RYR1: variants seen among roughly 807,000 people sequenced by gnomAD.
RYR1 encodes the protein ryanodine receptor 1, also known as central core disease of muscle.
In RYR1, 342 loss-of-function variants were observed where a neutral mutation model predicts 583.5. That is an observed-to-expected ratio of 0.59 (90% confidence interval 0.54 to 0.64). RYR1 has a LOEUF of 0.64. Among genes scored for constraint, RYR1 ranks in the 30% least tolerant of loss-of-function variants. RYR1 has a pLI of 0.00. For synonymous variants in RYR1, 2,791 were observed against 2,822.5 expected (o/e 0.99, Z 0.35); for missense variants, 6,032 against 6,917.2 (o/e 0.87, Z 4.54).
At chr19:38,458,923 G>A (rs1679623621) in intron 18 of RYR1, among the ~76,000 whole-genome samples, 4 of 152,292 alleles carry the variant, frequency 2.6e-5, no homozygotes, top group South Asian at 2.1e-4. Flanking sequence ...CCGGCCCCCA[G>A]GAGGATTTAA....
chr19:38,565,522 G>A lies in RYR1; in HGVS notation c.13188G>A (p.Pro4396=), dbSNP rs371061924. The A allele has an allele frequency of 1.2e-5, 18 of 1,503,080 alleles. 1 individual carries two copies. Among genetic ancestry groups the A allele is most frequent in the East Asian group, 8.2e-5 (3 of 36,760 alleles). 93.1% of individuals were successfully genotyped at this position (1,503,080 alleles called of 1,614,324 possible). Residue 4396 remains proline, a synonymous_variant, in exon 91 of 106, where the codon CCG becomes CCA. Transcript: ENST00000359596. This position sits in a 1 kb window ranked among gnomAD's most constrained non-coding sequence, Gnocchi z 4.7. ...PTSDEVHGEQ[P]AGPGGDADGE... ...GCGACGAGGTGCACGGCGAGCAGCC[G>A]GCCGGGCCGGGCGGAGACGCAGACG...
intron 101 of RYR1, among the ~76,000 whole-genome samples, chr19:38,581,191 C>T (rs1185227124): frequency 6.6e-6 from 1 of 152,116 alleles, no homozygotes; most frequent in African/African-American, 2.4e-5. Flanking sequence ...CATTCTCCTG[C>T]CTCTGCCTCC....
intron 89 of RYR1, among the ~76,000 whole-genome samples, chr19:38,552,339 C>T (rs939614067): frequency 6.6e-6 from 1 of 151,924 alleles, no homozygotes; most frequent in Non-Finnish European, 1.5e-5. Context: ...ACTGCAAACT[C>T]CGCTTCCTGG....
chr19:38,528,456 C>T, intron 74 of RYR1, 38 bp downstream of exon 74: 1 of 1,605,322 alleles, frequency 6.2e-7, no homozygotes, highest in East Asian at 2.2e-5. Flanking sequence ...TGAAGGGCTG[C>T]GGAGAAAGGG....
chr19:38,579,612 C>CAGAGGA (rs1390063040), intron 99 of RYR1, among the ~76,000 whole-genome samples: 1 of 147,632 alleles, frequency 6.8e-6, no homozygotes, highest in African/African-American at 2.5e-5. Flanking sequence ...AAAAAAAAGA[C>CAGAGGA]AGAGGAAGAG....
At chr19:38,467,286 C>T (rs1380911791) in intron 24 of RYR1, among the ~76,000 whole-genome samples, 1 of 152,158 alleles carries the variant, frequency 6.6e-6, no homozygotes, top group Admixed American at 6.5e-5. Context: ...TCATTCTAAT[C>T]AACCCTGATC....
At position 38,567,846 on chromosome 19, in the gene RYR1, C is replaced by A. The variant is rs766906669; in HGVS notation, c.13588C>A (p.Pro4530Thr). 1.2e-6 allele frequency: 2 copies of A among 1,614,126 alleles called. No homozygotes were observed. The highest frequency in any genetic ancestry group is 1.7e-6 in the Non-Finnish European group (2 of 1,180,008). ...CCCCAAGAAGCAAGCACCTCCCTCA[C>A]CCCCTCCAAAGAAGGAGGAAGCTGG... ...EPPKKQAPPS[P>T]PPKKEEAGGE... Residue 4530 changes from proline (P) to threonine (T), a missense_variant, in exon 93 of 106, where the codon CCC becomes ACC. Pro to Thr is a conservative substitution (Grantham distance 38). Around this residue, in one of 11 missense-constraint regions of RYR1, gnomAD observed 753 missense variants for 759.6 expected, o/e 0.99. Transcript: ENST00000359596.
intron 76 of RYR1, among the ~76,000 whole-genome samples, chr19:38,530,207 G>A (rs1473818381): frequency 2.0e-5 from 3 of 152,032 alleles, no homozygotes. Context: ...TCCCGCCTTG[G>A]CCTCTCAAAG....
In RYR1 at chr19:38,483,329, C is replaced by T. The variant is rs754476250; in HGVS notation, c.4747C>T (p.Arg1583Cys). 1.2e-4 allele frequency: 190 copies of T among 1,559,834 alleles called. 1 individual carries two copies. Among genetic ancestry groups the T allele is most frequent in the Non-Finnish European group, 7.4e-5 (85 of 1,152,016 alleles). Residue 1583 changes from arginine (R) to cysteine (C), a missense_variant, in exon 33 of 106, where the codon CGC (arginine) becomes TGC (cysteine). Arg to Cys is a radical substitution (Grantham distance 180, BLOSUM62 -3). Transcript: ENST00000359596. This position sits in a 1 kb window ranked among gnomAD's most constrained non-coding sequence, Gnocchi z 6.3. The part of the protein sequence containing the change: ...PLSAAMFQSE[R>C]KNPAPQCPPR... ...GTCAGCCGCCATGTTCCAAAGCGAG[C>T]GCAAGAACCCGGCCCCGCAGTGCCC...
intron 5 of RYR1, 56 bp downstream of exon 5, chr19:38,443,852 G>C: frequency 6.6e-7 from 1 of 1,526,460 alleles, no homozygotes; most frequent in Non-Finnish European, 9.1e-7. Flanking sequence ...GGGATTCAGG[G>C]GGTAGAAGGT....
chr19:38,506,733 A>T, intron 56 of RYR1, 96 bp from the exon 57 acceptor site: 1 of 1,580,046 alleles, frequency 6.3e-7, no homozygotes. Flanking sequence ...CTTCTTTATC[A>T]CCATAATTAC....
chr19:38,506,211 G>A, intron 54 of RYR1, 92 bp from the exon 55 acceptor site: 1 of 1,342,758 alleles, frequency 7.4e-7, no homozygotes, highest in Admixed American at 1.7e-5. Context: ...GGGTGGAGGG[G>A]GTAGAATGGA....
In RYR1 at chr19:38,478,374, G is replaced by T. The variant is rs1044185638; in HGVS notation, c.4455-61G>T. On this transcript the variant is annotated intron_variant, in intron 30 of 105. Coordinates refer to ENST00000359596, the MANE Select transcript of RYR1 (RefSeq NM_000540.3). Reference sequence around the variant, plus strand: ...GTGTTTCCGGGAGCTTGGGGAAGGGGGTGTCCAGGGTCCAGAGCTACTCAC... The same window carrying T: ...GTGTTTCCGGGAGCTTGGGGAAGGGTGTGTCCAGGGTCCAGAGCTACTCAC... The T allele has an allele frequency of 4.4e-6, 7 of 1,581,618 alleles. No homozygotes were observed. In the South Asian group the frequency reaches 7.7e-5, roughly 18 times the overall value.
intron 65 of RYR1, 117 bp downstream of exon 65, chr19:38,516,334 TC>T (rs1323883608): frequency 3.5e-5 from 46 of 1,299,692 alleles, no homozygotes; most frequent in South Asian, 1.3e-4. Context: ...GGCTGAGGAT[TC>T]CCCAGGTTGG....
rs922483200 is a variant in RYR1 at position 38,584,954 on chromosome 19, T to C, written c.14658T>C (p.Phe4886=). ...CTCCCCTCCCTCAGTGTTACCTGTTTCACATGTACGTGGGTGTCCGGGCTG... is the reference window on the plus strand; with the variant it reads ...CTCCCCTCCCTCAGTGTTACCTGTTCCACATGTACGTGGGTGTCCGGGCTG... ...KCDDMMTCYL[F]HMYVGVRAGG... is the part of the protein sequence containing the mutation. Residue 4886 remains phenylalanine (F), a synonymous_variant, in exon 102 of 106, where the codon TTT becomes TTC. Transcript: ENST00000359596. 6.2e-7 allele frequency: 1 copy of C among 1,613,878 alleles called. No individual in the cohort carries two copies. Among genetic ancestry groups the C allele is most frequent in the Non-Finnish European group, 8.5e-7 (1 of 1,179,900 alleles).
chr19:38,463,282 A>G, intron 20 of RYR1, 141 bp from the exon 21 acceptor site: 1 of 702,500 alleles, frequency 1.4e-6, no homozygotes, highest in Non-Finnish European at 2.6e-6. Flanking sequence ...AAGGCGAGGG[A>G]TGGGGAGCAG....
intron 99 of RYR1, 120 bp downstream of exon 99, chr19:38,578,324 T>A: frequency 2.1e-6 from 2 of 938,306 alleles, no homozygotes; most frequent in Non-Finnish European, 3.4e-6. Flanking sequence ...GCTGTGACCC[T>A]AGGGTATCTT....
In RYR1 at chr19:38,500,179, GT is replaced by G. The variant is rs1379897682; in HGVS notation, c.7323+164del. Among the ~76,000 whole-genome samples, 1 of 152,080 alleles carries G rather than the reference GT, an allele frequency of 6.6e-6. No homozygotes were observed. Among genetic ancestry groups the G allele is most frequent in the Non-Finnish European group, 1.5e-5 (1 of 68,008 alleles). ...GTGACCAAGACAGCCCCAGGGCCTG[GT>G]CTCACAGAGCTCCCAGTCCAATGGG... On this transcript the variant is annotated intron_variant, in intron 45 of 105. Transcript: ENST00000359596. This position sits in a 1 kb window ranked among gnomAD's most constrained non-coding sequence, Gnocchi z 5.9.
intron 27 of RYR1, among the ~76,000 whole-genome samples, chr19:38,471,890 A>C (rs1968438897): frequency 7.4e-6 from 1 of 136,008 alleles, no homozygotes; most frequent in Admixed American, 7.7e-5. Flanking sequence ...TGACAGCGAG[A>C]CTCTGTCTCA....
Sources: gnomAD v4.1 joint callset for allele counts (sites outside exome capture counted in the v4.1 genomes callset) on GRCh38, gnomAD v4.1.1 for gene constraint, gnomAD v4.1.1 regional missense constraint, Gnocchi (gnomAD v3.1) non-coding constraint, MANE v1.5 for transcripts, NCBI Gene and HGNC (gene_info 2026-07-23, HGNC 2026-07-21) for gene names.